Variants in SULT2A1 observed in about 807,000 individuals in gnomAD.
SULT2A1 encodes sulfotransferase 2A1.
In SULT2A1, 43 loss-of-function variants were observed where a neutral mutation model predicts 33.9. The observed-to-expected ratio is 1.27, with a 90% confidence interval of 1.00 to 1.64. SULT2A1 has a LOEUF of 1.64. Among genes scored for constraint, SULT2A1 ranks in the 40% most tolerant of loss-of-function variants. SULT2A1 has a pLI of 0.00. For synonymous variants in SULT2A1, 125 were observed against 113.6 expected, an observed-to-expected ratio of 1.10 and a Z score of -0.64; for missense variants, 300 against 335.1, an observed-to-expected ratio of 0.90 and a Z score of 0.82.
intron 4 of SULT2A1, among the ~76,000 whole-genome samples, chr19:47,875,456 A>G (rs896471687): frequency 3.3e-5 from 5 of 151,910 alleles, no homozygotes; most frequent in Non-Finnish European, 7.4e-5. Flanking sequence ...TGGGCGATAT[A>G]GTGAGACCCT....
intron 5 of SULT2A1, among the ~76,000 whole-genome samples, chr19:47,873,502 T>C (rs1218235926): frequency 1.3e-5 from 2 of 151,508 alleles, no homozygotes; most frequent in African/African-American, 2.4e-5. Context: ...CCCCATGCAA[T>C]AGACATTTCC....
chr19:47,872,000 C>A (rs1046249855), intron 5 of SULT2A1, among the ~76,000 whole-genome samples: 2 of 152,026 alleles, frequency 1.3e-5, no homozygotes, highest in African/African-American at 4.8e-5. Flanking sequence ...TCACTGCAAC[C>A]TCTGCCTCCC....
chr19:47,883,991 A>G (rs973910413), intron 1 of SULT2A1, among the ~76,000 whole-genome samples: 1 of 150,928 alleles, frequency 6.6e-6, no homozygotes, highest in Admixed American at 6.6e-5. Flanking sequence ...CTAAAATCCC[A>G]GCTACTTGGG....
chr19:47,877,691 A>G (rs1968560334), intron 4 of SULT2A1, among the ~76,000 whole-genome samples: 1 of 151,892 alleles, frequency 6.6e-6, no homozygotes, highest in Admixed American at 6.6e-5. Context: ...CTGGGACTAC[A>G]GGTGCCTGCC....
intron 3 of SULT2A1, 32 bp from the exon 4 acceptor site, chr19:47,879,162 A>G (rs1426756695): frequency 1.5e-6 from 2 of 1,378,680 alleles, no homozygotes; most frequent in Non-Finnish European, 2.1e-6. Context: ...GTGATAGGTT[A>G]CAAATTTTAT....
chr19:47,882,252 A>G (rs1968611623), intron 2 of SULT2A1, 42 bp from the exon 3 acceptor site: 10 of 1,588,060 alleles, frequency 6.3e-6, no homozygotes, highest in Non-Finnish European at 8.6e-6. Flanking sequence ...AATACAGTCA[A>G]TCCTCACTCT....
chr19:47,878,578 G>A (rs1968571021), intron 4 of SULT2A1, among the ~76,000 whole-genome samples: 1 of 139,384 alleles, frequency 7.2e-6, no homozygotes, highest in South Asian at 2.3e-4. Context: ...GCATGATCTT[G>A]GCATATCGGC....
intron 4 of SULT2A1, among the ~76,000 whole-genome samples, chr19:47,877,363 T>G (rs1179465067): frequency 6.8e-6 from 1 of 147,918 alleles, no homozygotes; most frequent in East Asian, 2.2e-4. Flanking sequence ...AGCTGGGTCC[T>G]GAGTAGCTGG....
At chr19:47,883,476 G>A (rs1968621646) in intron 2 of SULT2A1, 101 bp downstream of exon 2, 5 of 1,197,300 alleles carry the variant, frequency 4.2e-6, no homozygotes, top group Non-Finnish European at 6.0e-6. Context: ...ACACAGACCT[G>A]TTGAAGGAGA....
At chr19:47,884,036 C>T (rs920656274) in intron 1 of SULT2A1, among the ~76,000 whole-genome samples, 82 of 148,848 alleles carry the variant, frequency 5.5e-4, no homozygotes, top group African/African-American at 2.0e-3. Flanking sequence ...ACCTGGGAGG[C>T]GGAGGTTGCG....
intron 2 of SULT2A1, 106 bp from the exon 3 acceptor site, chr19:47,882,316 A>G: frequency 8.1e-6 from 11 of 1,354,532 alleles, no homozygotes; most frequent in Non-Finnish European, 1.0e-5. Flanking sequence ...ATGCCTAATA[A>G]TATCAATGGA....
rs1307382428 is a variant in SULT2A1, at chr19:47,874,764, A to T, written c.638T>A (p.Leu213Ter). 1.9e-6 allele frequency: 3 copies of T among 1,614,110 alleles called. No individual in the cohort carries two copies. The East Asian group carries it at 6.7e-5, about 36-fold the overall frequency. The change falls in exon 5 of 6, where the codon TTA (leucine) becomes TAA (stop). Residue 213 changes from leucine (L) to a stop codon, truncating the protein, a stop_gained. Transcript: ENST00000222002. LOFTEE classifies it high-confidence loss of function. ...CTGAAAGGAGCTGTTCTTGAGAATT[A>T]AGTTCAGTTCTTCGGGTTCTAACGT... ...GKTLEPEELN[L>*]ILKNSSFQSM...
chr19:47,874,627 A>G (rs1268115429), intron 5 of SULT2A1, 30 bp downstream of exon 5: 3 of 1,583,512 alleles, frequency 1.9e-6, no homozygotes, highest in Admixed American at 1.7e-5. Context: ...GTATTCTGGT[A>G]TATTTGGAAA....
At position 47,883,518 on chromosome 19, in the gene SULT2A1, TA is replaced by T. The variant is rs1355989358; in HGVS notation, c.345+58del. The T allele has an allele frequency of 5.9e-6, 9 of 1,515,080 alleles. No homozygotes were observed. In the East Asian group the frequency reaches 2.0e-4, roughly 34 times the overall value. The allele number at this position is 1,515,080 out of a possible 1,614,324, so 93.9% of individuals were successfully genotyped here. A position where few individuals can be genotyped will look rare whatever the true frequency, so the allele number is the denominator to read the frequency against. ...TTCAGCAAGATCTCCAGATGACTTA[TA>T]GGCATATCAGTGTTTGAAAGGCACT... On this transcript the variant is annotated intron_variant, in intron 2 of 5. Transcript: ENST00000222002.
chr19:47,873,615 T>C (rs4002938), intron 5 of SULT2A1, among the ~76,000 whole-genome samples: 2 of 5,288 alleles, frequency 3.8e-4, no homozygotes, highest in South Asian at 0.014. Flanking sequence ...GACAGATCTC[T>C]TTTTTTTTTT....
chr19:47,870,682 T>C lies in SULT2A1; in HGVS notation c.*773A>G, dbSNP rs1325257922. Reference sequence around the variant, plus strand: ...TGTCACTGTAGCTATTTCTTATTTTTATTAACAAACATTTAGACATCCTTT... The same window carrying C: ...TGTCACTGTAGCTATTTCTTATTTTCATTAACAAACATTTAGACATCCTTT... On this transcript the variant is annotated 3_prime_UTR_variant, in exon 6 of 6. Transcript: ENST00000222002. 6.8e-6 allele frequency: 1 copy of C among 148,030 alleles called. No individual in the cohort carries two copies. Among genetic ancestry groups the C allele is most frequent in the African/African-American group, 2.4e-5 (1 of 41,160 alleles). The allele number at this position is 148,030 out of a possible 1,614,324, so 9.2% of individuals were successfully genotyped here.
chr19:47,874,698 C>T lies in SULT2A1; in HGVS notation c.704G>A (p.Ser235Asn), dbSNP rs1392182520. ...ENKMSNYSLL[S>N]VDYVVDKAQL... is the part of the protein sequence containing the mutation. ...TGCTTTGTCCACTACATAATCAACA[C>T]TCAGGAGGGAATAATTGGACATCTT... The change falls in exon 5 of 6, where the codon AGT becomes AAT. Residue 235 changes from serine to asparagine, a missense_variant. Transcript: ENST00000222002. 3 of 1,614,020 alleles carry T rather than the reference C, an allele frequency of 1.9e-6. No homozygotes were observed. The highest frequency in any genetic ancestry group is 2.7e-5 in the African/African-American group (2 of 74,918).
chr19:47,874,753 T>G lies in SULT2A1; in HGVS notation c.649A>C (p.Asn217His), dbSNP rs1568637387. ...EPEELNLILK[N>H]SSFQSMKENK... is the part of the protein sequence containing the mutation. ...TCTTTCATGCTCTGAAAGGAGCTGT[T>G]CTTGAGAATTAAGTTCAGTTCTTCG... Residue 217 changes from asparagine to histidine, a missense_variant, in exon 5 of 6, where the codon AAC becomes CAC. Coordinates refer to ENST00000222002, the MANE Select transcript of SULT2A1 (RefSeq NM_003167.4). 6.2e-7 allele frequency: 1 copy of G among 1,614,084 alleles called. No individual in the cohort carries two copies. The highest frequency in any genetic ancestry group is 8.5e-7 in the Non-Finnish European group (1 of 1,179,952).
chr19:47,886,234 AAACCAT>A lies in SULT2A1; in HGVS notation c.18_23del (p.Leu6_Trp7del), dbSNP rs1299407873. The A allele has an allele frequency of 6.2e-7, 1 of 1,614,060 alleles. No individual in the cohort carries two copies. The highest frequency in any genetic ancestry group is 8.5e-7 in the Non-Finnish European group (1 of 1,179,996). On this transcript the variant is annotated inframe_deletion, in exon 1 of 6. Transcript: ENST00000222002. ...CCATAGTAGGGAAAGCTATGCCTTCAAACCATAAGAAATCGTCCGACATGATGATGA... is the reference window on the plus strand; with the variant it reads ...CCATAGTAGGGAAAGCTATGCCTTCAAAGAAATCGTCCGACATGATGATGA...
Sources: allele counts gnomAD v4.1 joint callset (sites outside exome capture counted in the v4.1 genomes callset), GRCh38; gene constraint gnomAD v4.1.1; transcripts MANE v1.5; gene names NCBI Gene and HGNC (gene_info 2026-07-23, HGNC 2026-07-21).